FBRSL1: variants seen among roughly 807,000 people sequenced by gnomAD.
FBRSL1 encodes the protein fibrosin-1-like protein.
A neutral mutation model predicts 89.6 loss-of-function variants in FBRSL1; 51 were observed. The observed-to-expected ratio is 0.57, with a 90% CI of 0.45 to 0.72. The LOEUF (loss-of-function observed/expected upper bound fraction) is 0.72. FBRSL1 is among the 30% of genes least tolerant of loss of function. The pLI is 0.00. For missense variants in FBRSL1, 1,618 were observed against 1,451.8 expected, an observed-to-expected ratio of 1.11 and a Z score of -1.86; for synonymous variants, 779 against 681.1, an observed-to-expected ratio of 1.14 and a Z score of -2.24.
At chr12:132,509,631 C>T (rs1258272696) in intron 2 of FBRSL1, 2 of 1,232,020 alleles carry the variant, frequency 1.6e-6, no homozygotes, top group African/African-American at 1.6e-5. Flanking sequence ...GGTCCCCTGC[C>T]TCTACTGCCG....
At chr12:132,515,899 CA>C (rs60767937) in intron 2 of FBRSL1, among the ~76,000 whole-genome samples, 5,207 of 65,424 alleles carry the variant, frequency 0.08, 59 homozygotes, top group East Asian at 0.19. Context: ...GACTCCGTCT[CA>C]AAAAAAAAAA....
intron 2 of FBRSL1, among the ~76,000 whole-genome samples, chr12:132,513,605 C>T (rs1349034472): frequency 6.6e-6 from 1 of 152,208 alleles, no homozygotes; most frequent in African/African-American, 2.4e-5. Flanking sequence ...GCAGGCTGGT[C>T]CCCTCCCATC....
rs529701781 is a variant in FBRSL1 at position 132,546,675 on chromosome 12, G to T, written c.616-1328G>T. ...GGGGGACCAGCACACAGCCGGGACA[G>T]ACAGCCTGGGGGAGCCTGTCAGCCT... On this transcript the variant is annotated intron_variant, in intron 4 of 18. Transcript: ENST00000680143. This position sits in a 1 kb window ranked among gnomAD's most constrained non-coding sequence, Gnocchi z 4.0. 2.6e-5 allele frequency among the ~76,000 whole-genome samples: 4 copies of T among 152,312 alleles called. No homozygotes were observed. The East Asian group carries it at 7.7e-4, about 29-fold the overall frequency.
chr12:132,546,845 G>A lies in FBRSL1; in HGVS notation c.616-1158G>A, dbSNP rs1484936548. 3.3e-5 allele frequency among the ~76,000 whole-genome samples: 5 copies of A among 152,342 alleles called. No homozygotes were observed. The highest frequency in any genetic ancestry group is 2.1e-4 in the South Asian group (1 of 4,830). On this transcript the variant is annotated intron_variant, in intron 4 of 18. Transcript: ENST00000680143. The surrounding 1 kb of genome is among the most constrained non-coding windows in gnomAD (Gnocchi z 4.0). ...CTCGCTGCAGAGTGTCTGCTAAAGC[G>A]CATTTCACACCGTACTGTGAGCTCC... is the stretch of plus-strand genomic sequence containing the variant.
At chr12:132,496,953 C>G (rs2032144099) in intron 1 of FBRSL1, among the ~76,000 whole-genome samples, 1 of 152,248 alleles carries the variant, frequency 6.6e-6, no homozygotes, top group African/African-American at 2.4e-5. Flanking sequence ...CCTGCGGTGT[C>G]CTGTGTTGCT....
chr12:132,514,709 G>C (rs1452918244), intron 2 of FBRSL1, among the ~76,000 whole-genome samples: 2 of 152,182 alleles, frequency 1.3e-5, no homozygotes, highest in African/African-American at 4.8e-5. Flanking sequence ...TGTACCCTGG[G>C]ACCTGGCAGA....
intron 2 of FBRSL1, among the ~76,000 whole-genome samples, chr12:132,520,507 G>A (rs900515002): frequency 6.6e-6 from 1 of 152,224 alleles, no homozygotes; most frequent in Admixed American, 6.5e-5. Flanking sequence ...CCAAACGCCC[G>A]AGGGTGGGGA....
At chr12:132,537,174 G>A (rs904520678) in intron 4 of FBRSL1, among the ~76,000 whole-genome samples, 3 of 152,206 alleles carry the variant, frequency 2.0e-5, no homozygotes, top group Non-Finnish European at 2.9e-5. Context: ...CTGTCGTGTG[G>A]TGGGTGCCCT....
intron 5 of FBRSL1, chr12:132,551,022 C>CT (rs2038116087): frequency 4.0e-6 from 1 of 247,388 alleles, no homozygotes; most frequent in African/African-American, 2.2e-5. Flanking sequence ...GCCCTCCTCC[C>CT]TACCCGCTGG....
intron 5 of FBRSL1, among the ~76,000 whole-genome samples, chr12:132,555,603 G>A (rs1224783892): frequency 6.6e-6 from 1 of 152,194 alleles, no homozygotes; most frequent in East Asian, 1.9e-4. Context: ...TGGCATCATG[G>A]TGTTGGGTTC....
At chr12:132,552,548 A>C (rs2038267344) in intron 5 of FBRSL1, 1 of 132,736 alleles carries the variant, frequency 7.5e-6, no homozygotes, top group African/African-American at 3.1e-5. Context: ...CACTCACCCC[A>C]CGGGACAGAC....
chr12:132,544,484 T>C (rs762511523), intron 4 of FBRSL1, among the ~76,000 whole-genome samples: 2 of 152,190 alleles, frequency 1.3e-5, no homozygotes, highest in Non-Finnish European at 2.9e-5. Context: ...AGACCAGGAC[T>C]TCACCTACGC....
chr12:132,582,767 T>G (rs80182741), intron 18 of FBRSL1, among the ~76,000 whole-genome samples: 34,704 of 152,020 alleles, frequency 0.23, 4,758 homozygotes, highest in South Asian at 0.32. Flanking sequence ...CGCTTCCGTC[T>G]CCCGGCCAAG....
intron 5 of FBRSL1, among the ~76,000 whole-genome samples, chr12:132,560,454 G>A (rs564765027): frequency 2.0e-5 from 3 of 152,096 alleles, no homozygotes; most frequent in Non-Finnish European, 2.9e-5. Context: ...CCCGGGTCAG[G>A]GCACCCGGGG....
rs1454308300 is a variant in FBRSL1 at position 132,508,343 on chromosome 12, C to G, written c.482C>G (p.Ser161Cys). The change falls in exon 2 of 19, where the codon TCC becomes TGC. Residue 161 changes from serine to cysteine, a missense_variant. Coordinates refer to ENST00000680143, the MANE Select transcript of FBRSL1 (RefSeq NM_001367871.1). ...GCGAGAAAGGTCCCACTGCAGCCCT[C>G]CAAGCAGGTGAGCAGGTCCCTCCCC... ...DGARKVPLQP[S>C]KQMKVTVSKG... The G allele has an allele frequency of 5.9e-6, 9 of 1,523,782 alleles. No homozygotes were observed. Among genetic ancestry groups the G allele is most frequent in the South Asian group, 1.2e-5 (1 of 80,568 alleles). The allele number at this position is 1,523,782 out of a possible 1,614,324, so 94.4% of individuals were successfully genotyped here. A position where few individuals can be genotyped will look rare whatever the true frequency, so the allele number is the denominator to read the frequency against.
rs146107816 is a variant in FBRSL1, at chr12:132,532,206, G to T, written c.615+4218G>T. Reference sequence around the variant, plus strand: ...CTGCAGGGTGGTGGTGGCAGCCCATGGTGAGGCCCAGGCCTCAGGGACCCA... The same window carrying T: ...CTGCAGGGTGGTGGTGGCAGCCCATTGTGAGGCCCAGGCCTCAGGGACCCA... On this transcript the variant is annotated intron_variant, in intron 4 of 18. Transcript: ENST00000680143. Among the ~76,000 whole-genome samples, 521 of 152,294 alleles carry T rather than the reference G, an allele frequency of 3.4e-3. 3 individuals are homozygous for T. The highest frequency in any genetic ancestry group is 0.014 in the Middle Eastern group (4 of 294).
rs796230982 is a variant in FBRSL1, at chr12:132,509,024, C to T, written c.489+674C>T. The T allele has an allele frequency of 2.1e-5, 24 of 1,165,194 alleles. No individual in the cohort carries two copies. The African/African-American group carries it at 2.4e-4, about 12-fold the overall frequency. 72.2% of individuals were successfully genotyped at this position (1,165,194 alleles called of 1,614,324 possible). A position where few individuals can be genotyped will look rare whatever the true frequency, so the allele number is the denominator to read the frequency against. On this transcript the variant is annotated intron_variant, in intron 2 of 18. Coordinates refer to ENST00000680143, the MANE Select transcript of FBRSL1 (RefSeq NM_001367871.1). ...GCCTTCCTTCCAGGGTGGGGCTCTG[C>T]GCGGTGTCCTCGGCTCTCCTCGGCC...
intron 5 of FBRSL1, among the ~76,000 whole-genome samples, chr12:132,556,272 C>T (rs954338485): frequency 1.3e-5 from 2 of 152,204 alleles, no homozygotes; most frequent in African/African-American, 4.8e-5. Context: ...CTACCCCTCA[C>T]CTATGCACCA....
chr12:132,503,115 C>T (rs1330964970), intron 1 of FBRSL1, among the ~76,000 whole-genome samples: 1 of 150,108 alleles, frequency 6.7e-6, no homozygotes, highest in Non-Finnish European at 1.5e-5. Flanking sequence ...CGCCTCCCAC[C>T]CCACCCCCCA....
Sources: gnomAD v4.1 joint callset for allele counts (sites outside exome capture counted in the v4.1 genomes callset) on GRCh38, gnomAD v4.1.1 for gene constraint, Gnocchi (gnomAD v3.1) non-coding constraint, MANE v1.5 for transcripts, NCBI Gene and HGNC (gene_info 2026-07-23, HGNC 2026-07-21) for gene names.